ZNF423: variants seen among roughly 807,000 people sequenced by gnomAD.
ZNF423 encodes the protein zinc finger protein 423.
A neutral mutation model predicts 95.8 loss-of-function variants in ZNF423; 12 were observed. The ratio of observed to expected loss-of-function variants is 0.13; its 90% CI spans 0.08 to 0.20. The LOEUF (loss-of-function observed/expected upper bound fraction) is 0.20. Among genes scored for constraint, ZNF423 ranks in the 10% least tolerant of loss-of-function variants. ZNF423 has a pLI of 1.00. For missense variants in ZNF423, 1,316 were observed against 1,737.1 expected, an observed-to-expected ratio of 0.76 and a Z score of 4.31; for synonymous variants, 749 against 711.9, an observed-to-expected ratio of 1.05 and a Z score of -0.83.
At chr16:49,614,314 C>T (rs986854507) in intron 5 of ZNF423, among the ~76,000 whole-genome samples, 1 of 151,962 alleles carries the variant, frequency 6.6e-6, no homozygotes, top group African/African-American at 2.4e-5. Context: ...CTGGTGAGAA[C>T]GTAGAGAAAT....
chr16:49,857,374 C>T (rs1325380288), upstream of ZNF423, among the ~76,000 whole-genome samples: 13 of 151,226 alleles, frequency 8.6e-5, no homozygotes, highest in East Asian at 1.9e-3. The surrounding 1 kb of genome is among the most constrained non-coding windows in gnomAD (Gnocchi z 6.2). Flanking sequence ...GGGGCCGGGG[C>T]TCGGGCGCTG....
intron 2 of ZNF423, among the ~76,000 whole-genome samples, chr16:49,787,932 G>T (rs967577909): frequency 1.3e-5 from 2 of 152,214 alleles, no homozygotes; most frequent in East Asian, 3.8e-4. Context: ...TCGTCTCTCA[G>T]GAGGACTACA....
At chr16:49,696,323 T>C (rs1342389165) in intron 3 of ZNF423, among the ~76,000 whole-genome samples, 3 of 152,166 alleles carry the variant, frequency 2.0e-5, no homozygotes, top group African/African-American at 7.2e-5. Context: ...GGTATTATTA[T>C]TGCTGTTATT....
In ZNF423 at chr16:49,802,040, C is replaced by T. The variant is rs542022635; in HGVS notation, c.41-12494G>A. ...GTTAATTTTTAATTTTTTTCAGATG[C>T]GTCTCACTGTGTGGCCAGGCTGGTC... On this transcript the variant is annotated intron_variant, in intron 1 of 7. Transcript: ENST00000563137. 4.8e-4 allele frequency among the ~76,000 whole-genome samples: 73 copies of T among 152,100 alleles called. 1 individual carries two copies. Among genetic ancestry groups the T allele is most frequent in the African/African-American group, 1.7e-3 (71 of 41,504 alleles).
At position 49,811,442 on chromosome 16, in the gene ZNF423, G is replaced by A. The variant is rs140248565; in HGVS notation, c.41-21896C>T. On this transcript the variant is annotated intron_variant, in intron 1 of 7. Transcript: ENST00000563137. ...CCACTCTACCCCCAACCCAGCCCAC[G>A]CTGCCACCCAGAGTGTGCTTAGCAG... Among the ~76,000 whole-genome samples, 160 of 152,194 alleles carry A rather than the reference G, an allele frequency of 1.1e-3. 2 individuals are homozygous for A. The highest frequency in any genetic ancestry group is 3.6e-3 in the African/African-American group (150 of 41,528).
intron 1 of ZNF423, among the ~76,000 whole-genome samples, chr16:49,813,457 C>A (rs1333716059): frequency 6.6e-6 from 1 of 152,180 alleles, no homozygotes; most frequent in Admixed American, 6.5e-5. Context: ...TAACCCTAAC[C>A]TCAATGTGCC....
At chr16:49,694,480 T>G (rs1448608762) in intron 3 of ZNF423, among the ~76,000 whole-genome samples, 1 of 152,200 alleles carries the variant, frequency 6.6e-6, no homozygotes, top group African/African-American at 2.4e-5. Flanking sequence ...CCTGAACACC[T>G]TTTTGGCCAC....
chr16:49,636,247 G>T lies in ZNF423; in HGVS notation c.2929C>A (p.Pro977Thr). ...TGTTCGGTGAGCGTCAGCAGCGAAGGGAAGCGCTCACCACAGATGGGACAC... is the reference window on the plus strand; with the variant it reads ...TGTTCGGTGAGCGTCAGCAGCGAAGTGAAGCGCTCACCACAGATGGGACAC... ...YMCPICGERF[P>T]SLLTLTEHKV... Residue 977 changes from proline to threonine, a missense_variant, in exon 4 of 8, where the codon CCT becomes ACT. Coordinates refer to ENST00000563137, the MANE Select transcript of ZNF423 (RefSeq NM_001379286.1). The surrounding 1 kb of genome is among the most constrained non-coding windows in gnomAD (Gnocchi z 8.6). The T allele has an allele frequency of 6.2e-7, 1 of 1,613,016 alleles. No homozygotes were observed. The highest frequency in any genetic ancestry group is 2.2e-5 in the East Asian group (1 of 44,874).
At chr16:49,634,030 G>T (rs549913374) in intron 4 of ZNF423, among the ~76,000 whole-genome samples, 2 of 151,068 alleles carry the variant, frequency 1.3e-5, no homozygotes, top group South Asian at 2.1e-4. Flanking sequence ...CCTCAGCCTC[G>T]TGAGTATCTG....
chr16:49,744,142 G>C (rs564699600), intron 2 of ZNF423, among the ~76,000 whole-genome samples: 4 of 152,182 alleles, frequency 2.6e-5, no homozygotes, highest in Non-Finnish European at 1.5e-5. Context: ...GCTTTCTGCC[G>C]ACTTCCCGTC....
intron 1 of ZNF423, among the ~76,000 whole-genome samples, chr16:49,850,825 G>T (rs1181841938): frequency 3.3e-5 from 5 of 152,190 alleles, no homozygotes; most frequent in Admixed American, 1.3e-4. Flanking sequence ...TTTCAAAGAG[G>T]TCATTTCCCA....
chr16:49,845,035 C>CAAAAAAAAAAAAAAAA (rs71138011), intron 1 of ZNF423, among the ~76,000 whole-genome samples: 2 of 63,518 alleles, frequency 3.1e-5, no homozygotes, highest in Non-Finnish European at 5.2e-5. Context: ...AACTCCATCT[C>CAAAAAAAAAAAAAAAA]AAAAAAAAAA....
At chr16:49,687,788 C>T (rs1415040254) in intron 3 of ZNF423, among the ~76,000 whole-genome samples, 3 of 152,162 alleles carry the variant, frequency 2.0e-5, no homozygotes, top group African/African-American at 2.4e-5. Flanking sequence ...CCGACAAACT[C>T]GTGCCTTTCA....
At chr16:49,782,439 AC>A (rs954755553) in intron 2 of ZNF423, among the ~76,000 whole-genome samples, 5 of 152,226 alleles carry the variant, frequency 3.3e-5, no homozygotes, top group African/African-American at 9.7e-5. Context: ...GTTCCTATTA[AC>A]CAGAGCAAGA....
chr16:49,642,986 A>C (rs1973034012), intron 3 of ZNF423, among the ~76,000 whole-genome samples: 1 of 151,634 alleles, frequency 6.6e-6, no homozygotes, highest in Non-Finnish European at 1.5e-5. Flanking sequence ...ATGCCCGGCT[A>C]ATTTTTGTAT....
chr16:49,528,881 C>G (rs1197576972), intron 5 of ZNF423, among the ~76,000 whole-genome samples: 3 of 152,070 alleles, frequency 2.0e-5, no homozygotes, highest in African/African-American at 7.3e-5. Context: ...ATAGAATTTG[C>G]TAGCACCATC....
At chr16:49,639,388 T>A (rs192437971) in intron 3 of ZNF423, among the ~76,000 whole-genome samples, 1 of 152,266 alleles carries the variant, frequency 6.6e-6, no homozygotes, top group East Asian at 1.9e-4. Flanking sequence ...CTTATCAGAT[T>A]GGCCATAGAA....
intron 6 of ZNF423, 129 bp from the exon 7 acceptor site, chr16:49,523,868 C>G: frequency 1.4e-6 from 1 of 710,396 alleles, no homozygotes; most frequent in Non-Finnish European, 2.4e-6. Context: ...CAGTGGGCTA[C>G]TGGGAGTGTT....
intron 5 of ZNF423, among the ~76,000 whole-genome samples, chr16:49,604,462 A>C (rs1451049172): frequency 6.6e-6 from 1 of 152,008 alleles, no homozygotes; most frequent in African/African-American, 2.4e-5. Context: ...ACCTGCCTTG[A>C]ACACGCTGCC....
Sources: gnomAD v4.1 joint callset for allele counts (sites outside exome capture counted in the v4.1 genomes callset) on GRCh38, gnomAD v4.1.1 for gene constraint, Gnocchi (gnomAD v3.1) non-coding constraint, MANE v1.5 for transcripts, NCBI Gene and HGNC (gene_info 2026-07-23, HGNC 2026-07-21) for gene names.